The following PARD3B variants were observed in gnomAD, a reference collection of about 807,000 sequenced individuals.
PARD3B encodes the protein par-3 family cell polarity regulator beta, also known as partitioning defective 3 homolog B.
Under a neutral mutation model 130.2 loss-of-function variants are expected in PARD3B, and 103 were observed. The ratio of observed to expected loss-of-function variants is 0.79; its 90% confidence interval spans 0.67 to 0.93. The LOEUF (loss-of-function observed/expected upper bound fraction) is 0.93, where lower values mean the gene tolerates loss of function less well. Among genes scored for constraint, PARD3B ranks in the 40% least tolerant of loss-of-function variants. The pLI, the probability that PARD3B is intolerant of heterozygous loss-of-function variation, is 0.00. For missense variants in PARD3B, 1,609 were observed against 1,499.2 expected (o/e 1.07, Z -1.21); for synonymous variants, 583 against 553.2 (o/e 1.05, Z -0.76).
At chr2:204,718,981 A>G (rs1407744100) in intron 2 of PARD3B, among the ~76,000 whole-genome samples, 5 of 152,234 alleles carry the variant, frequency 3.3e-5, no homozygotes, top group African/African-American at 1.2e-4. Context: ...GTTTCAGGAC[A>G]CATTGGTGGG....
intron 1 of PARD3B, among the ~76,000 whole-genome samples, chr2:204,585,154 T>C (rs2032761366): frequency 6.6e-6 from 1 of 152,182 alleles, no homozygotes; most frequent in Admixed American, 6.5e-5. Flanking sequence ...CCTCTTGTTT[T>C]CTTGTCTTCC....
chr2:204,671,665 G>C (rs1027160857), intron 1 of PARD3B, among the ~76,000 whole-genome samples: 4 of 152,088 alleles, frequency 2.6e-5, no homozygotes, highest in Non-Finnish European at 5.9e-5. Context: ...TAATTTCCTT[G>C]TTTGGGGATG....
chr2:204,869,355 C>T lies in PARD3B; in HGVS notation c.223-95797C>T, dbSNP rs10165404. 6.6e-3 allele frequency among the ~76,000 whole-genome samples: 999 copies of T among 152,180 alleles called. 15 individuals are homozygous for T. Among genetic ancestry groups the T allele is most frequent in the African/African-American group, 0.023 (941 of 41,536 alleles). On this transcript the variant is annotated intron_variant, in intron 2 of 22. Coordinates refer to ENST00000406610, the MANE Select transcript of PARD3B (RefSeq NM_001302769.2). ...CCTAGCAGCCCAGGGGATTTTGATA[C>T]GAGTGATTCATAATCAAACTTTGAC...
chr2:205,229,748 G>C lies in PARD3B; in HGVS notation c.2141-16030G>C, dbSNP rs1574454237. The stretch of plus-strand genomic sequence containing the variant: ...CCCAGGCTTGTGTCCTTCCCTTCAG[G>C]ACAGCAAGGTCCCCCTGGCCTCGAG... On this transcript the variant is annotated intron_variant, in intron 15 of 22. Coordinates refer to ENST00000406610, the MANE Select transcript of PARD3B (RefSeq NM_001302769.2). This position sits in a 1 kb window ranked among gnomAD's most constrained non-coding sequence, Gnocchi z 5.2. 2.0e-5 allele frequency among the ~76,000 whole-genome samples: 3 copies of C among 152,116 alleles called. No homozygotes were observed. Among genetic ancestry groups the C allele is most frequent in the African/African-American group, 7.2e-5 (3 of 41,512 alleles).
In PARD3B at chr2:204,673,096, C is replaced by T. The variant is rs2036383098; in HGVS notation, c.121-13085C>T. Among the ~76,000 whole-genome samples, 1 of 152,084 alleles carries T rather than the reference C, an allele frequency of 6.6e-6. No individual in the cohort carries two copies. Among genetic ancestry groups the T allele is most frequent in the Non-Finnish European group, 1.5e-5 (1 of 68,018 alleles). ...ATGAGTGGTAAATTTTGAATTTCAGCCTAGTCTTACTTTAAAGCTCATACT... is the reference window on the plus strand; with the variant it reads ...ATGAGTGGTAAATTTTGAATTTCAGTCTAGTCTTACTTTAAAGCTCATACT... On this transcript the variant is annotated intron_variant, in intron 1 of 22. Coordinates refer to ENST00000406610, the MANE Select transcript of PARD3B (RefSeq NM_001302769.2). This position sits in a 1 kb window ranked among gnomAD's most constrained non-coding sequence, Gnocchi z 4.7.
Position 205,421,235 on chromosome 2 carries a change from A to G in PARD3B, c.2742-19135A>G, listed in dbSNP as rs1442928082. Among the ~76,000 whole-genome samples the G allele has an allele frequency of 6.6e-6, 1 of 152,202 alleles. No individual in the cohort carries two copies. The highest frequency in any genetic ancestry group is 2.4e-5 in the African/African-American group (1 of 41,462). The stretch of plus-strand genomic sequence containing the variant: ...GTTTAGGAAAGAAAGGCCTAACATC[A>G]TCTGTTTTAGACTCACTATTCTCCT... On this transcript the variant is annotated intron_variant, in intron 19 of 22. Coordinates refer to ENST00000406610, the MANE Select transcript of PARD3B (RefSeq NM_001302769.2). The surrounding 1 kb of genome is among the most constrained non-coding windows in gnomAD (Gnocchi z 5.1).
chr2:205,027,163 A>T (rs146590113), intron 3 of PARD3B, among the ~76,000 whole-genome samples: 1 of 152,258 alleles, frequency 6.6e-6, no homozygotes, highest in African/African-American at 2.4e-5. Context: ...TGACTGCACC[A>T]ATTTCCATTC....
intron 12 of PARD3B, among the ~76,000 whole-genome samples, chr2:205,174,499 G>GA (rs2035355424): frequency 6.6e-6 from 1 of 152,008 alleles, no homozygotes; most frequent in African/African-American, 2.4e-5. Context: ...TTATTAAATT[G>GA]AAAAAAATTG....
At chr2:204,692,344 T>C (rs2037393194) in intron 2 of PARD3B, among the ~76,000 whole-genome samples, 1 of 152,082 alleles carries the variant, frequency 6.6e-6, no homozygotes, top group Non-Finnish European at 1.5e-5. Flanking sequence ...TTTAAATTTA[T>C]TTTTAAATTT....
At chr2:204,759,060 C>G (rs1277579435) in intron 2 of PARD3B, among the ~76,000 whole-genome samples, 1 of 152,122 alleles carries the variant, frequency 6.6e-6, no homozygotes, top group Admixed American at 6.6e-5. Flanking sequence ...AGAGCAGATG[C>G]CTTCCTAATA....
chr2:204,715,484 CTTTTTT>C (rs77864369), intron 2 of PARD3B, among the ~76,000 whole-genome samples: 1 of 135,534 alleles, frequency 7.4e-6, no homozygotes, highest in Non-Finnish European at 1.6e-5. Flanking sequence ...TGCTGTTTTT[CTTTTTT>C]TTTTTTTTTC....
intron 3 of PARD3B, among the ~76,000 whole-genome samples, chr2:205,043,539 A>C (rs1249712885): frequency 2.0e-5 from 3 of 152,192 alleles, no homozygotes; most frequent in African/African-American, 7.2e-5. Flanking sequence ...GACACATGAC[A>C]GTTAGCAGTG....
chr2:204,630,644 G>A (rs1252651887), intron 1 of PARD3B, among the ~76,000 whole-genome samples: 1 of 152,082 alleles, frequency 6.6e-6, no homozygotes, highest in African/African-American at 2.4e-5. Context: ...AATTTTTGGA[G>A]CACGATAAAG....
chr2:204,716,016 A>G (rs2038703325), intron 2 of PARD3B, among the ~76,000 whole-genome samples: 1 of 152,192 alleles, frequency 6.6e-6, no homozygotes, highest in African/African-American at 2.4e-5. Flanking sequence ...ATGCTGCAGA[A>G]AACTCTTACG....
Position 205,302,036 on chromosome 2 carries a change from G to GACCC in PARD3B, c.2630+336_2630+339dup, listed in dbSNP as rs1247868238. On this transcript the variant is annotated intron_variant, in intron 18 of 22. Coordinates refer to ENST00000406610, the MANE Select transcript of PARD3B (RefSeq NM_001302769.2). The stretch of plus-strand genomic sequence containing the variant: ...AAGACCAGCCTGGGCAAGGTAGGGA[G>GACCC]ACCCTATTCTTTTTTTCTTTTTTCT... The GACCC allele has an allele frequency of 3.2e-4, 140 of 438,160 alleles. 1 individual carries two copies. The highest frequency in any genetic ancestry group is 2.5e-3 in the African/African-American group (118 of 47,448). 27.1% of individuals were successfully genotyped at this position (438,160 alleles called of 1,614,324 possible).
At chr2:204,947,452 A>G (rs1689416939) in intron 2 of PARD3B, among the ~76,000 whole-genome samples, 1 of 152,146 alleles carries the variant, frequency 6.6e-6, no homozygotes, top group African/African-American at 2.4e-5. Context: ...TAAATAAGTA[A>G]AGTATGTTGG....
intron 4 of PARD3B, among the ~76,000 whole-genome samples, chr2:205,054,061 T>G (rs549927638): frequency 2.0e-5 from 3 of 152,152 alleles, no homozygotes; most frequent in South Asian, 4.2e-4. Context: ...ATCCGATATT[T>G]CATGGGGCCA....
intron 11 of PARD3B, among the ~76,000 whole-genome samples, chr2:205,161,712 G>A (rs1486774792): frequency 6.6e-6 from 1 of 152,124 alleles, no homozygotes; most frequent in African/African-American, 2.4e-5. Context: ...GATCAGCACT[G>A]GGAACATCTT....
At position 205,500,019 on chromosome 2, in the gene PARD3B, T is replaced by A; in HGVS notation, c.3168T>A (p.Tyr1056Ter). The change falls in exon 21 of 23, where the codon TAT becomes TAA. Residue 1056 changes from tyrosine (Y) to a stop codon, truncating the protein, a stop_gained. Transcript: ENST00000406610. LOFTEE classifies it high-confidence loss of function. Reference protein sequence around the residue: ...DDEGRARPSEYDLLWVPGRGP... With the variant: ...DDEGRARPSE ...AAGGAAGAGCAAGGCCATCTGAGTA[T>A]GACCTACTCTGGGTAAGCGCATGCA... 6.2e-7 allele frequency: 1 copy of A among 1,613,710 alleles called. No homozygotes were observed. Among genetic ancestry groups the A allele is most frequent in the Non-Finnish European group, 8.5e-7 (1 of 1,179,704 alleles).
Sources: allele counts gnomAD v4.1 joint callset (sites outside exome capture counted in the v4.1 genomes callset), GRCh38; gene constraint gnomAD v4.1.1; non-coding constraint Gnocchi (gnomAD v3.1); transcripts MANE v1.5; gene names NCBI Gene and HGNC (gene_info 2026-07-23, HGNC 2026-07-21).